Variants in PRH1 observed in about 807,000 individuals in gnomAD.
PRH1 encodes the protein proline rich protein HaeIII subfamily 1.
Under a neutral mutation model 7.9 loss-of-function variants are expected in PRH1, and 7 were observed. The observed-to-expected ratio is 0.89, with a 90% CI of 0.50 to 1.67. PRH1 has a LOEUF of 1.67. PRH1 is among the 40% of genes most tolerant of loss of function. The probability of loss-of-function intolerance (pLI) is 0.00; values close to 1 mark genes in which losing one functional copy is unlikely to be tolerated. For missense variants in PRH1, 109 were observed against 223.6 expected (o/e 0.49, Z 3.27); for synonymous variants, 45 against 80.8 (o/e 0.56, Z 2.38).
chr12:11,109,559 C>G (rs573075943), intron 1 of PRH1, among the ~76,000 whole-genome samples: 2 of 152,144 alleles, frequency 1.3e-5, no homozygotes, highest in Non-Finnish European at 2.9e-5. Context: ...CAAACTACAG[C>G]AGACTTGCAG....
At chr12:11,055,849 T>C (rs1403619038) in intron 1 of PRH1, among the ~76,000 whole-genome samples, 2 of 152,236 alleles carry the variant, frequency 1.3e-5, no homozygotes, top group Non-Finnish European at 2.9e-5. Context: ...CCACTGTTGA[T>C]TCACCTTTTC....
intron 2 of PRH1, chr12:10,908,613 T>C: frequency 6.2e-7 from 1 of 1,613,988 alleles, no homozygotes; most frequent in South Asian, 1.1e-5. Context: ...TTTCAAGGCA[T>C]TTGTATGGAC....
In PRH1 at chr12:10,997,566, T is replaced by C. The variant is rs112963315; in HGVS notation, c.-125-23845A>G. 5.0e-6 allele frequency: 8 copies of C among 1,614,004 alleles called. No individual in the cohort carries two copies. In the African/African-American group the frequency reaches 6.7e-5, roughly 13 times the overall value. On this transcript the variant is annotated intron_variant, in intron 1 of 3. Transcript: ENST00000539853. ...TTGACGATCTTGAGCAAATAAAATA[T>C]GCTGAGGCTAGTAGCAAGCCAGATG...
intron 1 of PRH1, among the ~76,000 whole-genome samples, chr12:11,105,887 C>T (rs1456618208): frequency 1.3e-5 from 2 of 151,688 alleles, no homozygotes; most frequent in Non-Finnish European, 2.9e-5. Context: ...TCAGAAAGGC[C>T]AATAATTCTT....
At chr12:10,912,452 C>A (rs1949913973) in intron 2 of PRH1, among the ~76,000 whole-genome samples, 1 of 151,836 alleles carries the variant, frequency 6.6e-6, no homozygotes, top group Admixed American at 6.6e-5. Flanking sequence ...CCTTTAAATT[C>A]TTCATATTAT....
At chr12:11,024,350 C>T (rs1941805206) in intron 1 of PRH1, among the ~76,000 whole-genome samples, 1 of 152,220 alleles carries the variant, frequency 6.6e-6, no homozygotes, top group African/African-American at 2.4e-5. Context: ...TGGAACATTG[C>T]TAAGAGCCTA....
chr12:11,087,422 C>T (rs1944744008), intron 1 of PRH1, among the ~76,000 whole-genome samples: 1 of 116,900 alleles, frequency 8.6e-6, no homozygotes, highest in South Asian at 2.3e-4. Context: ...AGGTCAGATG[C>T]TACCTAGAGC....
chr12:11,111,166 A>G (rs1381664089), intron 1 of PRH1, among the ~76,000 whole-genome samples: 2 of 152,198 alleles, frequency 1.3e-5, no homozygotes, highest in African/African-American at 4.8e-5. Context: ...GTTCTTAGAG[A>G]CCTACAAAGA....
At chr12:11,115,885 T>C (rs2136313306), downstream of PRH1, among the ~76,000 whole-genome samples, 2 of 151,854 alleles carry the variant, frequency 1.3e-5, 1 homozygote, top group South Asian at 4.2e-4. Context: ...ATCTATGAAA[T>C]ACAGCGAAAG....
intron 1 of PRH1, chr12:11,061,492 G>A (rs781493121): frequency 2.7e-6 from 4 of 1,489,520 alleles, no homozygotes; most frequent in Non-Finnish European, 3.6e-6. Context: ...ATAGCTGAAT[G>A]CAATAGCTTC....
At chr12:11,076,451 GT>G (rs1944295172) in intron 1 of PRH1, among the ~76,000 whole-genome samples, 1 of 105,082 alleles carries the variant, frequency 9.5e-6, no homozygotes, top group South Asian at 2.5e-4. Flanking sequence ...GAATATTTGA[GT>G]TTTTTTGAGG....
intron 2 of PRH1, among the ~76,000 whole-genome samples, chr12:10,941,844 G>T (rs1055324266): frequency 6.6e-6 from 1 of 152,108 alleles, no homozygotes; most frequent in African/African-American, 2.4e-5. Context: ...TCCTCATTTG[G>T]GTAGGCTCTA....
intron 1 of PRH1, among the ~76,000 whole-genome samples, chr12:11,128,732 G>A (rs890537106): frequency 1.3e-5 from 2 of 152,074 alleles, no homozygotes; most frequent in Non-Finnish European, 2.9e-5. Context: ...GAGACAGAGC[G>A]AGACTCCGTA....
intron 2 of PRH1, among the ~76,000 whole-genome samples, chr12:10,947,629 A>G (rs1172875786): frequency 6.6e-6 from 1 of 152,070 alleles, no homozygotes; most frequent in Non-Finnish European, 1.5e-5. Context: ...GCCCATTTAC[A>G]TTCAAGATTA....
chr12:10,948,694 T>C (rs1950525175), intron 2 of PRH1, among the ~76,000 whole-genome samples: 1 of 152,200 alleles, frequency 6.6e-6, no homozygotes, highest in African/African-American at 2.4e-5. Context: ...AAATATGATA[T>C]TCTGGCCATT....
chr12:10,942,052 A>ACCCCCTGTG (rs1480279023), intron 2 of PRH1, among the ~76,000 whole-genome samples: 1 of 152,124 alleles, frequency 6.6e-6, no homozygotes, highest in Non-Finnish European at 1.5e-5. Context: ...GGTTGTCTGC[A>ACCCCCTGTG]CAGAGTCCTG....
intron 1 of PRH1, among the ~76,000 whole-genome samples, chr12:11,066,141 G>T (rs1291615089): frequency 6.6e-6 from 1 of 152,098 alleles, no homozygotes; most frequent in Admixed American, 6.5e-5. Context: ...AAGTCTCATG[G>T]AAACAAAACT....
At chr12:11,169,094 G>C (rs1947727155) in intron 1 of PRH1, among the ~76,000 whole-genome samples, 1 of 152,228 alleles carries the variant, frequency 6.6e-6, no homozygotes, top group Non-Finnish European at 1.5e-5. Flanking sequence ...TGGCTAACCT[G>C]ATGAAAAGTC....
At chr12:11,039,541 C>T (rs1942613132) in intron 1 of PRH1, among the ~76,000 whole-genome samples, 1 of 152,218 alleles carries the variant, frequency 6.6e-6, no homozygotes, top group Admixed American at 6.5e-5. Flanking sequence ...CTTGTTTAAA[C>T]TCTCCATAAT....
Sources: gnomAD v4.1 joint callset for allele counts (sites outside exome capture counted in the v4.1 genomes callset) on GRCh38, gnomAD v4.1.1 for gene constraint, MANE v1.5 for transcripts, NCBI Gene and HGNC (gene_info 2026-07-23, HGNC 2026-07-21) for gene names.